FOXJ3: variants seen among roughly 807,000 people sequenced by gnomAD.
FOXJ3 encodes the protein forkhead box J3.
FOXJ3 carries 22 observed loss-of-function variants against 76.1 expected under a neutral mutation model. The ratio of observed to expected loss-of-function variants is 0.29; its 90% CI spans 0.21 to 0.41. FOXJ3 has a LOEUF of 0.41. Ranked by LOEUF, FOXJ3 falls within the 10% of genes least tolerant of loss-of-function variation. The pLI is 1.00. For missense variants in FOXJ3, 613 were observed against 762.1 expected, an observed-to-expected ratio of 0.80 and a Z score of 2.30; for synonymous variants, 269 against 261.2, an observed-to-expected ratio of 1.03 and a Z score of -0.29.
chr1:42,219,904 C>CT (rs1206900660), intron 5 of FOXJ3, among the ~76,000 whole-genome samples: 1 of 152,168 alleles, frequency 6.6e-6, no homozygotes. Flanking sequence ...GGGCAACAGG[C>CT]TGAGACTTTG....
chr1:42,280,731 T>C (rs1294154554), intron 2 of FOXJ3, among the ~76,000 whole-genome samples: 1 of 152,190 alleles, frequency 6.6e-6, no homozygotes, highest in Non-Finnish European at 1.5e-5. Context: ...TTGCTAAACA[T>C]ACCTCATCTG....
intron 4 of FOXJ3, among the ~76,000 whole-genome samples, chr1:42,246,528 AT>A (rs1329319010): frequency 6.6e-6 from 1 of 152,146 alleles, no homozygotes; most frequent in South Asian, 2.1e-4. Context: ...AGACAAAAAA[AT>A]AACAGACACT....
chr1:42,259,102 G>C (rs948667912), intron 4 of FOXJ3, among the ~76,000 whole-genome samples: 1 of 152,168 alleles, frequency 6.6e-6, no homozygotes, highest in African/African-American at 2.4e-5. Context: ...CAACGACATG[G>C]ATAGCTCTCA....
At position 42,334,192 on chromosome 1, in the gene FOXJ3, T is replaced by A. The variant is rs1045971926; in HGVS notation, c.-18+867A>T. 3.5e-6 allele frequency: 3 copies of A among 848,396 alleles called. No individual in the cohort carries two copies. In the African/African-American group the frequency reaches 5.5e-5, roughly 16 times the overall value. 52.6% of individuals were successfully genotyped at this position (848,396 alleles called of 1,614,324 possible). The stretch of plus-strand genomic sequence containing the variant: ...TATAATTAAGCAACAGAGAAAAGAA[T>A]AAGAGCAGCTAATGGAAGAGGAAAA... On this transcript the variant is annotated intron_variant, in intron 1 of 12. Coordinates refer to ENST00000361346, the MANE Select transcript of FOXJ3 (RefSeq NM_014947.5).
At chr1:42,226,439 C>T (rs1005747121) in intron 5 of FOXJ3, among the ~76,000 whole-genome samples, 1 of 152,186 alleles carries the variant, frequency 6.6e-6, no homozygotes, top group African/African-American at 2.4e-5. Flanking sequence ...TGGCAAAACC[C>T]TGTCTCTACT....
chr1:42,283,186 G>A (rs183441831), intron 2 of FOXJ3, among the ~76,000 whole-genome samples: 1 of 152,310 alleles, frequency 6.6e-6, no homozygotes, highest in African/African-American at 2.4e-5. Flanking sequence ...AGCATATACT[G>A]TTACCTGTGG....
rs369134847 is a variant in FOXJ3 at position 42,189,313 on chromosome 1, T to C, written c.1443A>G (p.Ser481=). ...AGAACCAACACTCACCTTGAAACTG[T>C]GAAAGGTCTACATCTGACCAATTAA... The part of the protein sequence containing the change: ...SSVNWSDVDL[S]QFQGLMESMR... Residue 481 remains serine (S), a synonymous_variant, in exon 10 of 13, where the codon TCA becomes TCG. Transcript: ENST00000361346. 1.9e-6 allele frequency: 3 copies of C among 1,609,462 alleles called. No individual in the cohort carries two copies. The highest frequency in any genetic ancestry group is 2.6e-6 in the Non-Finnish European group (3 of 1,175,796).
intron 12 of FOXJ3, 48 bp downstream of exon 12, chr1:42,181,865 TCACA>T (rs143175153): frequency 0.077 from 72,873 of 950,838 alleles, 1,738 homozygotes; most frequent in Non-Finnish European, 0.091. Context: ...CCTGGAGTGC[TCACA>T]CACACACACA....
chr1:42,232,953 T>C (rs1302087695), intron 4 of FOXJ3, among the ~76,000 whole-genome samples: 1 of 150,898 alleles, frequency 6.6e-6, no homozygotes, highest in African/African-American at 2.4e-5. Flanking sequence ...CTTTAATCCA[T>C]CTGGAATTAA....
intron 4 of FOXJ3, among the ~76,000 whole-genome samples, chr1:42,245,570 CATATGATCATTTCAAGAGATA>C (rs1649485762): frequency 6.6e-6 from 1 of 152,108 alleles, no homozygotes. Context: ...AGACAAAAAT[CATATGATCATTTCAAGAGATA>C]CGGAAAAAGC....
chr1:42,334,749 C>G (rs932984432), intron 1 of FOXJ3, among the ~76,000 whole-genome samples: 3 of 152,092 alleles, frequency 2.0e-5, no homozygotes, highest in Non-Finnish European at 4.4e-5. Context: ...CCCCCGGGAT[C>G]CACGTCTGGT....
At chr1:42,232,934 C>T (rs1267330313) in intron 4 of FOXJ3, among the ~76,000 whole-genome samples, 2 of 151,470 alleles carry the variant, frequency 1.3e-5, no homozygotes, top group Non-Finnish European at 2.9e-5. Context: ...TTAGGTCTAA[C>T]ATATAAGTCT....
intron 2 of FOXJ3, chr1:42,280,464 A>AAAC (rs1652626390): frequency 1.1e-6 from 1 of 940,458 alleles, no homozygotes. Context: ...AAAAAAAAAA[A>AAAC]AACTTACTAT....
At chr1:42,225,337 C>T (rs903091835) in intron 5 of FOXJ3, among the ~76,000 whole-genome samples, 1 of 152,048 alleles carries the variant, frequency 6.6e-6, no homozygotes, top group African/African-American at 2.4e-5. Context: ...TAGGCATTTT[C>T]TTAGATAAAA....
intron 2 of FOXJ3, among the ~76,000 whole-genome samples, chr1:42,296,452 T>C (rs1653792935): frequency 6.6e-6 from 1 of 152,232 alleles, no homozygotes; most frequent in African/African-American, 2.4e-5. Flanking sequence ...AAGTCTTTAA[T>C]CCATCCGTCC....
At chr1:42,184,730 TG>T (rs1646399929) in intron 11 of FOXJ3, among the ~76,000 whole-genome samples, 1 of 152,040 alleles carries the variant, frequency 6.6e-6, no homozygotes, top group African/African-American at 2.4e-5. Context: ...TGCTGAGTAG[TG>T]GTGCCATTTA....
intron 4 of FOXJ3, among the ~76,000 whole-genome samples, chr1:42,256,640 T>C (rs1650611941): frequency 6.6e-6 from 1 of 152,222 alleles, no homozygotes; most frequent in African/African-American, 2.4e-5. Flanking sequence ...GTTGGGAATG[T>C]AAAATAGCAC....
intron 3 of FOXJ3, among the ~76,000 whole-genome samples, chr1:42,268,982 T>TCAC (rs1651675750): frequency 6.6e-6 from 1 of 152,130 alleles, no homozygotes. Context: ...AAACAGGCCA[T>TCAC]CACCAGAATC....
chr1:42,246,048 T>TAA (rs765531594), intron 4 of FOXJ3, among the ~76,000 whole-genome samples: 1 of 151,786 alleles, frequency 6.6e-6, no homozygotes, highest in South Asian at 2.1e-4. Context: ...GACTCAAAAC[T>TAA]AAAAAAACTA....
Sources: allele counts gnomAD v4.1 joint callset (sites outside exome capture counted in the v4.1 genomes callset), GRCh38; gene constraint gnomAD v4.1.1; transcripts MANE v1.5; gene names NCBI Gene and HGNC (gene_info 2026-07-23, HGNC 2026-07-21).